The following FER variants were observed in gnomAD, a reference collection of about 807,000 sequenced individuals.
The protein encoded by FER is tyrosine-protein kinase Fer.
Under a neutral mutation model 111.0 loss-of-function variants are expected in FER, and 63 were observed. The observed-to-expected ratio is 0.57, with a 90% CI of 0.46 to 0.70. The LOEUF (loss-of-function observed/expected upper bound fraction) is 0.70. Ranked by LOEUF, FER falls within the 30% of genes least tolerant of loss-of-function variation. FER has a pLI of 0.00. For synonymous variants in FER, 327 were observed against 313.9 expected, an observed-to-expected ratio of 1.04 and a Z score of -0.44; for missense variants, 914 against 954.0, an observed-to-expected ratio of 0.96 and a Z score of 0.55.
chr5:109,011,788 T>A (rs1766305400), intron 13 of FER, among the ~76,000 whole-genome samples: 1 of 152,180 alleles, frequency 6.6e-6, no homozygotes, highest in African/African-American at 2.4e-5. Context: ...CCTCTTTTAT[T>A]TTTTCTTTGG....
chr5:108,828,602 C>T (rs1182938858), intron 3 of FER, among the ~76,000 whole-genome samples: 2 of 151,934 alleles, frequency 1.3e-5, no homozygotes, highest in Non-Finnish European at 2.9e-5. Context: ...TTGTTATTTG[C>T]CTATGATTAA....
At chr5:109,071,064 A>T (rs192834185) in intron 16 of FER, among the ~76,000 whole-genome samples, 1 of 152,058 alleles carries the variant, frequency 6.6e-6, no homozygotes, top group Non-Finnish European at 1.5e-5. Flanking sequence ...TCTATCTTCT[A>T]TTAATGAGAA....
intron 16 of FER, among the ~76,000 whole-genome samples, chr5:109,076,585 A>G (rs902532167): frequency 2.6e-5 from 4 of 151,982 alleles, no homozygotes; most frequent in Non-Finnish European, 5.9e-5. Flanking sequence ...CTACAGGGGC[A>G]TGCCACCACA....
At chr5:109,134,966 G>A (rs577322697) in intron 17 of FER, among the ~76,000 whole-genome samples, 17 of 152,132 alleles carry the variant, frequency 1.1e-4, no homozygotes, top group African/African-American at 3.1e-4. Flanking sequence ...GGCAGAAACC[G>A]TGTATATTTT....
At chr5:109,029,535 G>A (rs937874386) in intron 13 of FER, among the ~76,000 whole-genome samples, 2 of 146,476 alleles carry the variant, frequency 1.4e-5, no homozygotes, top group African/African-American at 5.1e-5. Context: ...GCTTCCCAAA[G>A]TGCTAGGGTG....
intron 2 of FER, chr5:108,785,560 A>C: frequency 2.0e-6 from 1 of 509,152 alleles, no homozygotes; most frequent in Non-Finnish European, 3.9e-6. Context: ...CTAGAAGTTT[A>C]TGGCAGAGCT....
intron 13 of FER, among the ~76,000 whole-genome samples, chr5:109,014,299 A>G (rs1036389613): frequency 1.4e-4 from 22 of 152,266 alleles, no homozygotes; most frequent in African/African-American, 4.3e-4. Context: ...CTTTCTACAT[A>G]TGGCTAGCCA....
At chr5:109,157,283 G>A (rs1465880504) in intron 17 of FER, among the ~76,000 whole-genome samples, 1 of 152,084 alleles carries the variant, frequency 6.6e-6, no homozygotes, top group Non-Finnish European at 1.5e-5. Flanking sequence ...GCAGTTCAGT[G>A]TTACACAGAT....
chr5:108,977,959 C>A (rs1388310768), intron 13 of FER, among the ~76,000 whole-genome samples: 2 of 152,168 alleles, frequency 1.3e-5, no homozygotes, highest in East Asian at 3.9e-4. Flanking sequence ...GATCCTCCTG[C>A]CTCAGCCTCC....
chr5:109,175,054 A>G (rs1411886076), intron 17 of FER, among the ~76,000 whole-genome samples: 2 of 152,232 alleles, frequency 1.3e-5, no homozygotes, highest in African/African-American at 2.4e-5. Flanking sequence ...AGTACCCAGC[A>G]TATAGTAAAT....
rs2150044458 is a variant in FER at position 108,798,130 on chromosome 5, G to A, written c.-53G>A. ...CTTTTGTTTACATACACAGATATGT[G>A]CTGATTAGAAGGCTCACTTGTGCAG... On this transcript the variant is annotated 5_prime_UTR_variant, in exon 3 of 20. Transcript: ENST00000281092. 1.5e-6 allele frequency: 2 copies of A among 1,343,466 alleles called. No homozygotes were observed. The highest frequency in any genetic ancestry group is 2.3e-5 in the East Asian group (1 of 43,414). 83.2% of individuals were successfully genotyped at this position (1,343,466 alleles called of 1,614,324 possible). A position where few individuals can be genotyped will look rare whatever the true frequency, so the allele number is the denominator to read the frequency against.
At chr5:108,939,424 TAAAAC>T (rs1364427525) in intron 10 of FER, among the ~76,000 whole-genome samples, 6 of 152,212 alleles carry the variant, frequency 3.9e-5, no homozygotes, top group Non-Finnish European at 8.8e-5. Context: ...TTGGATTAGT[TAAAAC>T]AAAGAAGAGT....
intron 17 of FER, among the ~76,000 whole-genome samples, chr5:109,158,452 G>A (rs1755645443): frequency 6.6e-6 from 1 of 151,928 alleles, no homozygotes; most frequent in African/African-American, 2.4e-5. Flanking sequence ...AAAGAAGCTG[G>A]GAGTCTGTGA....
chr5:108,970,485 G>C (rs1157802718), intron 13 of FER, among the ~76,000 whole-genome samples: 1 of 152,084 alleles, frequency 6.6e-6, no homozygotes, highest in Non-Finnish European at 1.5e-5. Context: ...CTCCCAAAGT[G>C]CTGGGATTAC....
intron 16 of FER, among the ~76,000 whole-genome samples, chr5:109,068,705 C>T (rs1358755177): frequency 2.0e-5 from 3 of 152,136 alleles, no homozygotes; most frequent in Non-Finnish European, 4.4e-5. Flanking sequence ...AACATTTTTA[C>T]TTATAAAATG....
intron 17 of FER, among the ~76,000 whole-genome samples, chr5:109,163,866 G>C (rs1445493827): frequency 2.0e-5 from 3 of 152,070 alleles, no homozygotes; most frequent in African/African-American, 7.2e-5. Flanking sequence ...CACTATTCTG[G>C]ATGTCTGATA....
chr5:108,980,880 G>T (rs1761947735), intron 13 of FER, among the ~76,000 whole-genome samples: 1 of 152,104 alleles, frequency 6.6e-6, no homozygotes, highest in African/African-American at 2.4e-5. Flanking sequence ...TTATAATTCA[G>T]ATTTCTTGTC....
chr5:108,894,402 A>C, intron 9 of FER: 1 of 853,364 alleles, frequency 1.2e-6, no homozygotes, highest in African/African-American at 1.8e-5. Flanking sequence ...CTGTTTGTGG[A>C]CCTCGTCTGC....
At chr5:109,097,085 T>G (rs1747631382) in intron 16 of FER, among the ~76,000 whole-genome samples, 1 of 151,166 alleles carries the variant, frequency 6.6e-6, no homozygotes, top group African/African-American at 2.4e-5. Flanking sequence ...TTAAATACAT[T>G]TTAGTCTTCA....
Sources: allele counts gnomAD v4.1 joint callset (sites outside exome capture counted in the v4.1 genomes callset), GRCh38; gene constraint gnomAD v4.1.1; transcripts MANE v1.5; gene names NCBI Gene and HGNC (gene_info 2026-07-23, HGNC 2026-07-21).